The following KCNAB1 variants were observed in gnomAD, a reference collection of about 807,000 sequenced individuals.
KCNAB1 encodes the protein potassium voltage-gated channel subfamily A regulatory beta subunit 1, also known as voltage-gated potassium channel subunit beta-1.
In KCNAB1, 35 loss-of-function variants were observed where a neutral mutation model predicts 64.6. That is an observed-to-expected ratio of 0.54 (90% CI 0.41 to 0.72). The LOEUF (loss-of-function observed/expected upper bound fraction) is 0.72, where lower values mean the gene tolerates loss of function less well. KCNAB1 is among the 30% of genes least tolerant of loss of function. KCNAB1 has a pLI of 0.00. For missense variants in KCNAB1, 401 were observed against 512.9 expected, an observed-to-expected ratio of 0.78 and a Z score of 2.11; for synonymous variants, 177 against 183.8, an observed-to-expected ratio of 0.96 and a Z score of 0.30.
rs372010778 is a variant in KCNAB1 at position 156,143,540 on chromosome 3, A to C, written c.275+22654A>C. On this transcript the variant is annotated intron_variant, in intron 1 of 13. Transcript: ENST00000490337. The stretch of plus-strand genomic sequence containing the variant: ...CTGTAAGAAAAAGAAGGAAAAATGC[A>C]GTGAGCCCTCTTCTTGGGTTGCATT... 1.5e-4 allele frequency: 86 copies of C among 572,000 alleles called. No homozygotes were observed. In the South Asian group the frequency reaches 4.2e-3, roughly 28 times the overall value. The allele number at this position is 572,000 out of a possible 1,614,324, so 35.4% of individuals were successfully genotyped here.
At chr3:156,380,365 GC>G (rs1712056687) in intron 1 of KCNAB1, among the ~76,000 whole-genome samples, 2 of 152,150 alleles carry the variant, frequency 1.3e-5, no homozygotes, top group Non-Finnish European at 2.9e-5. Context: ...ACTTTTGATA[GC>G]TATATGCATT....
At chr3:156,517,401 T>C (rs938376642) in intron 11 of KCNAB1, among the ~76,000 whole-genome samples, 2 of 152,218 alleles carry the variant, frequency 1.3e-5, no homozygotes, top group African/African-American at 4.8e-5. Flanking sequence ...CCTGATGACA[T>C]GGTCCTATTT....
At chr3:156,200,253 C>T (rs1245333626) in intron 1 of KCNAB1, among the ~76,000 whole-genome samples, 1 of 152,188 alleles carries the variant, frequency 6.6e-6, no homozygotes, top group African/African-American at 2.4e-5. Context: ...TATGAGGTGT[C>T]TGTTGACATC....
intron 1 of KCNAB1, among the ~76,000 whole-genome samples, chr3:156,139,417 CT>C (rs1260054624): frequency 1.3e-5 from 2 of 152,220 alleles, no homozygotes; most frequent in East Asian, 3.9e-4. Context: ...GTGATTCTTC[CT>C]TGGCCCTCCG....
intron 4 of KCNAB1, 65 bp from the exon 5 acceptor site, chr3:156,459,762 T>C: frequency 1.6e-6 from 2 of 1,217,950 alleles, no homozygotes; most frequent in African/African-American, 1.5e-5. Context: ...GGTTCTTGTG[T>C]TCTGGATTGA....
intron 1 of KCNAB1, among the ~76,000 whole-genome samples, chr3:156,251,398 G>A (rs1220037082): frequency 2.6e-5 from 4 of 152,164 alleles, no homozygotes; most frequent in Non-Finnish European, 2.9e-5. Flanking sequence ...AAAGGATAAT[G>A]AGGAAAGGAC....
intron 1 of KCNAB1, among the ~76,000 whole-genome samples, chr3:156,265,270 T>C (rs1718631753): frequency 6.6e-6 from 1 of 151,944 alleles, no homozygotes; most frequent in Non-Finnish European, 1.5e-5. Flanking sequence ...TTTTTAGGGG[T>C]TTTATCATTG....
At chr3:156,386,238 C>T (rs1278895922) in intron 1 of KCNAB1, among the ~76,000 whole-genome samples, 3 of 152,182 alleles carry the variant, frequency 2.0e-5, no homozygotes, top group East Asian at 1.9e-4. Flanking sequence ...GGTGTTTAAC[C>T]GTGATCCTAG....
In KCNAB1 at chr3:156,375,397, C is replaced by T. The variant is rs182234788; in HGVS notation, c.276-46219C>T. Among the ~76,000 whole-genome samples the T allele has an allele frequency of 3.0e-5, 4 of 135,104 alleles. No homozygotes were observed. The East Asian group carries it at 7.8e-4, about 26-fold the overall frequency. 88.6% of individuals were successfully genotyped at this position (135,104 alleles called of 152,430 possible). ...CATTTGTTAGGTAAGGAAATTGATG[C>T]TCCGAGAAGTTTAACGACATTCCTG... is the stretch of plus-strand genomic sequence containing the variant. On this transcript the variant is annotated intron_variant, in intron 1 of 13. Transcript: ENST00000490337.
chr3:156,264,503 C>T (rs1375238412), intron 1 of KCNAB1, among the ~76,000 whole-genome samples: 2 of 151,794 alleles, frequency 1.3e-5, no homozygotes, highest in Non-Finnish European at 2.9e-5. Flanking sequence ...TTTTAATTAG[C>T]TTGTTCATTT....
intron 1 of KCNAB1, among the ~76,000 whole-genome samples, chr3:156,233,600 C>T (rs940364126): frequency 6.6e-6 from 1 of 152,098 alleles, no homozygotes; most frequent in African/African-American, 2.4e-5. Context: ...TTTTAGCATA[C>T]AGGGCTAAGG....
Position 156,347,473 on chromosome 3 carries a change from C to T in KCNAB1, c.276-74143C>T, listed in dbSNP as rs1024420454. Among the ~76,000 whole-genome samples the T allele has an allele frequency of 6.6e-5, 10 of 152,270 alleles. No individual in the cohort carries two copies. The South Asian group carries it at 2.1e-3, about 32-fold the overall frequency. On this transcript the variant is annotated intron_variant, in intron 1 of 13. Coordinates refer to ENST00000490337, the MANE Select transcript of KCNAB1 (RefSeq NM_172160.3). ...CTCATGGTTTTGCCATCAGTGAGAA[C>T]CTAAATCATTGGAAGGAGCTAGAGA...
chr3:156,167,671 T>TAAC lies in KCNAB1; in HGVS notation c.275+46806_275+46808dup, dbSNP rs60743324. 8.0e-3 allele frequency among the ~76,000 whole-genome samples: 1,216 copies of TAAC among 152,182 alleles called. 23 individuals are homozygous for TAAC. The highest frequency in any genetic ancestry group is 0.026 in the African/African-American group (1,098 of 41,484). ...AAACAGCCAGTTTCAACAAACTTTT[T>TAAC]AACAACAACAACAACAACAACAAAA... On this transcript the variant is annotated intron_variant, in intron 1 of 13. Transcript: ENST00000490337.
intron 8 of KCNAB1, among the ~76,000 whole-genome samples, chr3:156,499,052 G>C (rs989680352): frequency 6.6e-6 from 1 of 152,190 alleles, no homozygotes; most frequent in Non-Finnish European, 1.5e-5. Context: ...TTGACATTTT[G>C]GTGGACCAAA....
intron 1 of KCNAB1, among the ~76,000 whole-genome samples, chr3:156,132,933 T>C (rs999767119): frequency 6.6e-6 from 1 of 152,214 alleles, no homozygotes; most frequent in African/African-American, 2.4e-5. Flanking sequence ...TATATATACA[T>C]TTTTGTGCAG....
intron 1 of KCNAB1, among the ~76,000 whole-genome samples, chr3:156,311,265 C>T (rs1186811887): frequency 6.6e-6 from 1 of 152,210 alleles, no homozygotes; most frequent in Non-Finnish European, 1.5e-5. Flanking sequence ...AGCTATCACC[C>T]TGTGGAAAAG....
chr3:156,155,693 G>C, intron 1 of KCNAB1, among the ~76,000 whole-genome samples: 1 of 152,170 alleles, frequency 6.6e-6, no homozygotes, highest in East Asian at 1.9e-4. Flanking sequence ...TGGTAGAATA[G>C]TAAGAAATGA....
chr3:156,287,349 C>CA (rs1159352986), intron 1 of KCNAB1, among the ~76,000 whole-genome samples: 13,324 of 77,534 alleles, frequency 0.17, 980 homozygotes, highest in East Asian at 0.31. Flanking sequence ...ACCTCCGTAT[C>CA]AAAAAAAAAA....
At chr3:156,480,360 A>T (rs1174294245) in intron 8 of KCNAB1, among the ~76,000 whole-genome samples, 1 of 151,782 alleles carries the variant, frequency 6.6e-6, no homozygotes, top group Non-Finnish European at 1.5e-5. Flanking sequence ...GAGGAACAAC[A>T]CATATCGGGG....
Sources: allele counts gnomAD v4.1 joint callset (sites outside exome capture counted in the v4.1 genomes callset), GRCh38; gene constraint gnomAD v4.1.1; transcripts MANE v1.5; gene names NCBI Gene and HGNC (gene_info 2026-07-23, HGNC 2026-07-21).